USP9X: variants seen among roughly 807,000 people sequenced by gnomAD.
The protein encoded by USP9X is ubiquitin specific peptidase 9 X-linked, also known as ubiquitin carboxyl-terminal hydrolase 9X.
USP9X carries 7 observed loss-of-function variants against 190.3 expected under a neutral mutation model. That is an observed-to-expected ratio of 0.04 (90% CI 0.02 to 0.07). The LOEUF (loss-of-function observed/expected upper bound fraction) is 0.07. Among genes scored for constraint, USP9X ranks in the 10% least tolerant of loss-of-function variants. The pLI, the probability that USP9X is intolerant of heterozygous loss-of-function variation, is 1.00. For missense variants in USP9X, 1,010 were observed against 1,916.9 expected (o/e 0.53, Z 8.83); for synonymous variants, 645 against 659.5 (o/e 0.98, Z 0.34).
rs190087333 is a variant in USP9X, at chrX:41,193,521, G to T, written c.3978-2730G>T. 2.1e-3 allele frequency among the ~76,000 whole-genome samples: 233 copies of T among 110,534 alleles called. 1 individual carries two copies. The highest frequency in any genetic ancestry group is 7.8e-3 in the South Asian group (20 of 2,555). ...CTAAAGAAAATAGAAAAAATAAGCC[G>T]GGTATGGTGAACATGCCTGTAGTCC... On this transcript the variant is annotated intron_variant, in intron 26 of 44. Transcript: ENST00000378308.
chrX:41,225,028 C>T (rs1296236759), intron 40 of USP9X, 21 bp from the exon 41 acceptor site: 2 of 1,207,212 alleles, frequency 1.7e-6, no homozygotes, highest in Non-Finnish European at 2.2e-6. Flanking sequence ...AAGTTACTCA[C>T]CATGTCTTAC....
chrX:41,204,453 T>TA (rs2063072353), intron 31 of USP9X, among the ~76,000 whole-genome samples: 2 of 109,215 alleles, frequency 1.8e-5, no homozygotes, highest in African/African-American at 6.7e-5. Context: ...TTTTAGCTCT[T>TA]ACATTTAGGA....
At chrX:41,132,239 A>G (rs915832053) in intron 4 of USP9X, among the ~76,000 whole-genome samples, 1 of 109,381 alleles carries the variant, frequency 9.1e-6, no homozygotes, top group Non-Finnish European at 1.9e-5. Context: ...TGTTCAAGCA[A>G]TCATTCTGCC....
Position 41,197,352 on chromosome X carries a change from C to CCCCCAAGG in USP9X, c.4234-12_4234-11insCCCCAAGG. The CCCCCAAGG allele has an allele frequency of 2.0e-6, 2 of 988,197 alleles. No homozygotes were observed. Among genetic ancestry groups the CCCCCAAGG allele is most frequent in the South Asian group, 3.4e-5 (1 of 29,421 alleles). 81.4% of individuals were successfully genotyped at this position (988,197 alleles called of 1,213,427 possible). A position where few individuals can be genotyped will look rare whatever the true frequency, so the allele number is the denominator to read the frequency against. Reference sequence around the variant, plus strand: ...TTCTTCCCCCCCCCACCCCACCCCCCGCCTTTGGCAGGATGATGTTAAAAG... The same window carrying CCCCCAAGG: ...TTCTTCCCCCCCCCACCCCACCCCCCCCCCAAGGGCCTTTGGCAGGATGATGTTAAAAG... On this transcript the variant is annotated splice_polypyrimidine_tract_variant and intron_variant, in intron 28 of 44. Coordinates refer to ENST00000378308, the MANE Select transcript of USP9X (RefSeq NM_001039591.3).
chrX:41,196,625 G>A lies in USP9X; in HGVS notation c.4120G>A (p.Asp1374Asn), dbSNP rs747920064. ...TARERAKHSG[D>N]YFTLLRHLLN... ...AAGAGAGAGAGCTAAACACTCAGGC[G>A]ACTACTTTACTCTTTTAAGACACCT... The change falls in exon 28 of 45, where the codon GAC (aspartate) becomes AAC (asparagine). Residue 1374 changes from aspartate (D) to asparagine (N), a missense_variant. Asp to Asn is a conservative substitution (Grantham distance 23, BLOSUM62 1). Transcript: ENST00000378308. 37 of 1,206,900 alleles carry A rather than the reference G, an allele frequency of 3.1e-5. No individual in the cohort carries two copies. Among genetic ancestry groups the A allele is most frequent in the Non-Finnish European group, 4.0e-5 (36 of 893,617 alleles).
intron 30 of USP9X, 40 bp downstream of exon 30, chrX:41,198,790 A>C (rs143471890): frequency 3.7e-5 from 40 of 1,092,440 alleles, no homozygotes; most frequent in Non-Finnish European, 4.7e-5. Flanking sequence ...GATCATTTCA[A>C]TGTTTCAAAG....
intron 31 of USP9X, chrX:41,205,059 T>C (rs932720341): frequency 1.2e-5 from 3 of 254,459 alleles, no homozygotes; most frequent in African/African-American, 5.7e-5. Context: ...TCAGTCTAAA[T>C]TACTATGCTA....
chrX:41,203,473 C>A (rs908267929), intron 31 of USP9X, among the ~76,000 whole-genome samples: 1 of 112,174 alleles, frequency 8.9e-6, no homozygotes, highest in African/African-American at 3.2e-5. Flanking sequence ...TGGCTTATTT[C>A]ATTTTAAAGT....
At chrX:41,086,935 TAA>T (rs1001043914) in intron 1 of USP9X, among the ~76,000 whole-genome samples, 7 of 112,838 alleles carry the variant, frequency 6.2e-5, no homozygotes, top group African/African-American at 2.3e-4. Context: ...TGAAATAAGT[TAA>T]AGAGTTATAC....
At chrX:41,098,680 C>T (rs953558570) in intron 1 of USP9X, among the ~76,000 whole-genome samples, 3 of 108,402 alleles carry the variant, frequency 2.8e-5, no homozygotes, top group Admixed American at 2.0e-4. Context: ...TTCAGCCTCC[C>T]GAGTAGCTGG....
chrX:41,144,437 TATTA>T, intron 10 of USP9X, 81 bp from the exon 11 acceptor site: 6 of 761,856 alleles, frequency 7.9e-6, no homozygotes, highest in Middle Eastern at 4.2e-4. Context: ...AGGAGTACTT[TATTA>T]ATTGTCAGCA....
chrX:41,172,664 A>C (rs1480578858), intron 21 of USP9X, among the ~76,000 whole-genome samples: 1 of 111,988 alleles, frequency 8.9e-6, no homozygotes, highest in Non-Finnish European at 1.9e-5. Context: ...ATCACTGACA[A>C]CTTTTATCCT....
chrX:41,230,704 A>G (rs1043066347), intron 44 of USP9X, 108 bp downstream of exon 44: 1 of 658,429 alleles, frequency 1.5e-6, no homozygotes, highest in South Asian at 3.0e-5. Flanking sequence ...AAGTAGGATT[A>G]TCTAGACTAG....
chrX:41,125,672 ACACACACACACACTCTCTCTCT>A (rs1378421721), intron 2 of USP9X, among the ~76,000 whole-genome samples: 8 of 48,673 alleles, frequency 1.6e-4, no homozygotes, highest in Non-Finnish European at 2.6e-4. Context: ...ACACACACAC[ACACACACACACACTCTCTCTCT>A]CTCTCTCTCT....
intron 12 of USP9X, among the ~76,000 whole-genome samples, chrX:41,149,313 G>A (rs1383168983): frequency 9.0e-6 from 1 of 111,501 alleles, no homozygotes; most frequent in Non-Finnish European, 1.9e-5. Context: ...TGCTATCAGG[G>A]CTTTTAACTA....
At chrX:41,097,223 A>G (rs761591099) in intron 1 of USP9X, among the ~76,000 whole-genome samples, 17 of 112,195 alleles carry the variant, frequency 1.5e-4, no homozygotes, top group Non-Finnish European at 2.8e-4. Context: ...TAATAACATA[A>G]CTTGCTAAAA....
At chrX:41,116,648 C>A (rs996924525) in intron 1 of USP9X, among the ~76,000 whole-genome samples, 4 of 112,371 alleles carry the variant, frequency 3.6e-5, no homozygotes, top group African/African-American at 1.3e-4. Context: ...TTTTCAGATT[C>A]ATTCCTGAAA....
Position 41,166,328 on chromosome X carries a change from A to G in USP9X, c.2328+114A>G, listed in dbSNP as rs1200476980. ...TTTTACTCTGATGTTTGTCTCAGGA[A>G]TTTGGTGTAGTTAGGAATTGTTCAT... is the stretch of plus-strand genomic sequence containing the variant. On this transcript the variant is annotated intron_variant, in intron 16 of 44. Coordinates refer to ENST00000378308, the MANE Select transcript of USP9X (RefSeq NM_001039591.3). The G allele has an allele frequency of 1.7e-5, 10 of 594,946 alleles. No individual in the cohort carries two copies. In the African/African-American group the frequency reaches 2.3e-4, roughly 14 times the overall value. The allele number at this position is 594,946 out of a possible 1,213,427, so 49.0% of individuals were successfully genotyped here. A position where few individuals can be genotyped will look rare whatever the true frequency, so the allele number is the denominator to read the frequency against.
intron 32 of USP9X, among the ~76,000 whole-genome samples, chrX:41,206,195 C>T (rs2063094128): frequency 9.0e-6 from 1 of 111,570 alleles, no homozygotes. Context: ...CCGGCCCCTA[C>T]CTATTTCTTT....
Sources: gnomAD v4.1 joint callset for allele counts (sites outside exome capture counted in the v4.1 genomes callset) on GRCh38, gnomAD v4.1.1 for gene constraint, MANE v1.5 for transcripts, NCBI Gene and HGNC (gene_info 2026-07-23, HGNC 2026-07-21) for gene names.